The following CACNA1B variants were observed in gnomAD, a reference collection of about 807,000 sequenced individuals.
CACNA1B encodes the protein voltage-dependent N-type calcium channel subunit alpha-1B.
Under a neutral mutation model 247.2 loss-of-function variants are expected in CACNA1B, and 70 were observed. The observed-to-expected ratio is 0.28, with a 90% CI of 0.23 to 0.35. The LOEUF (loss-of-function observed/expected upper bound fraction) is 0.35, where lower values mean the gene tolerates loss of function less well. Ranked by LOEUF, CACNA1B falls within the 10% of genes least tolerant of loss-of-function variation. The pLI is 1.00. For missense variants in CACNA1B, 2,367 were observed against 3,197.4 expected, an observed-to-expected ratio of 0.74 and a Z score of 6.26; for synonymous variants, 1,231 against 1,294.4, an observed-to-expected ratio of 0.95 and a Z score of 1.05.
At chr9:138,030,505 G>A (rs1031998451) in intron 20 of CACNA1B, among the ~76,000 whole-genome samples, 1 of 151,948 alleles carries the variant, frequency 6.6e-6, no homozygotes, top group African/African-American at 2.4e-5. Flanking sequence ...AAGGAGTTTT[G>A]CGTCTGTATT....
chr9:137,895,670 A>G (rs35075720), intron 3 of CACNA1B, among the ~76,000 whole-genome samples: 10,485 of 152,304 alleles, frequency 0.069, 543 homozygotes, highest in Admixed American at 0.12. Context: ...TAGAAAAACC[A>G]TAGATTTCTA....
In CACNA1B at chr9:137,955,594, G is replaced by A. The variant is rs1000085680; in HGVS notation, c.1071-104G>A. On this transcript the variant is annotated intron_variant, in intron 7 of 46. Coordinates refer to ENST00000371372, the MANE Select transcript of CACNA1B (RefSeq NM_000718.4). The surrounding 1 kb of genome is among the most constrained non-coding windows in gnomAD (Gnocchi z 6.9). ...TGCCTGAAGCAGCAGCCTGCAGCCT[G>A]CGTCTCCTGTCCCAGGCTTTCCCTG... 2.8e-5 allele frequency: 21 copies of A among 749,898 alleles called. No homozygotes were observed. The highest frequency in any genetic ancestry group is 4.2e-5 in the Non-Finnish European group (19 of 450,294). 46.5% of individuals were successfully genotyped at this position (749,898 alleles called of 1,614,324 possible).
At chr9:138,041,884 C>A (rs1011639290) in intron 20 of CACNA1B, among the ~76,000 whole-genome samples, 1 of 152,074 alleles carries the variant, frequency 6.6e-6, no homozygotes, top group Admixed American at 6.5e-5. Context: ...CCTCTGGAGT[C>A]GCTGGAACTG....
intron 15 of CACNA1B, among the ~76,000 whole-genome samples, chr9:137,999,244 AAAT>A (rs138728302): frequency 0.16 from 23,871 of 148,228 alleles, 5,315 homozygotes; most frequent in African/African-American, 0.5. Context: ...AAAAAATAAA[AAAT>A]AAAAAATGAA....
chr9:138,032,900 T>G, intron 20 of CACNA1B: 3 of 298,882 alleles, frequency 1.0e-5, no homozygotes, highest in Non-Finnish European at 1.3e-5. Context: ...GCTCAATTTC[T>G]TGAATTTGTA....
rs201208237 is a variant in CACNA1B, at chr9:137,956,766, C to G, written c.1187-5C>G. On this transcript the variant is annotated splice_region_variant and splice_polypyrimidine_tract_variant and intron_variant, in intron 8 of 46. Coordinates refer to ENST00000371372, the MANE Select transcript of CACNA1B (RefSeq NM_000718.4). ...CTCTGACCTGAGGCTGTGTTCCCCTCGCAGAGGAAGTCATGCTGGCCGAGG... is the reference window on the plus strand; with the variant it reads ...CTCTGACCTGAGGCTGTGTTCCCCTGGCAGAGGAAGTCATGCTGGCCGAGG... 1.2e-6 allele frequency: 2 copies of G among 1,613,446 alleles called. No individual in the cohort carries two copies. Among genetic ancestry groups the G allele is most frequent in the East Asian group, 4.5e-5 (2 of 44,858 alleles).
rs547646077 is a variant in CACNA1B at position 137,957,877 on chromosome 9, C to A, written c.1333+190C>A. ...GGACATAGGGCCCTTAGCCATATCC[C>A]AAGGCTGGAGGACTCTATAGGGCCA... is the stretch of plus-strand genomic sequence containing the variant. On this transcript the variant is annotated intron_variant, in intron 10 of 46. Transcript: ENST00000371372. This position sits in a 1 kb window ranked among gnomAD's most constrained non-coding sequence, Gnocchi z 4.7. Among the ~76,000 whole-genome samples, 5 of 152,322 alleles carry A rather than the reference C, an allele frequency of 3.3e-5. No homozygotes were observed. Among genetic ancestry groups the A allele is most frequent in the Non-Finnish European group, 5.9e-5 (4 of 68,020 alleles).
rs1589063589 is a variant in CACNA1B at position 138,007,220 on chromosome 9, T to C, written c.2092+336T>C. Among the ~76,000 whole-genome samples, 1 of 152,196 alleles carries C rather than the reference T, an allele frequency of 6.6e-6. No individual in the cohort carries two copies. The highest frequency in any genetic ancestry group is 1.9e-4 in the East Asian group (1 of 5,196). On this transcript the variant is annotated intron_variant, in intron 16 of 46. Transcript: ENST00000371372. The surrounding 1 kb of genome is among the most constrained non-coding windows in gnomAD (Gnocchi z 4.1). ...GGTTTTTGTTTTCACTTTGATTTAA[T>C]TGTGTACTTAGGTTTTGGCACTGGG...
intron 20 of CACNA1B, among the ~76,000 whole-genome samples, chr9:138,039,233 T>C (rs895294255): frequency 6.6e-5 from 10 of 152,136 alleles, no homozygotes; most frequent in African/African-American, 2.4e-4. Context: ...GAGAAAAATA[T>C]GTCATTAATT....
intron 11 of CACNA1B, among the ~76,000 whole-genome samples, chr9:137,975,274 G>A (rs1408440793): frequency 6.6e-6 from 1 of 152,196 alleles, no homozygotes; most frequent in African/African-American, 2.4e-5. Flanking sequence ...TGGTGACAGT[G>A]CAAGGGGACA....
rs559003290 is a variant in CACNA1B at position 138,051,721 on chromosome 9, G to A, written c.3711-371G>A. On this transcript the variant is annotated intron_variant, in intron 24 of 46. Coordinates refer to ENST00000371372, the MANE Select transcript of CACNA1B (RefSeq NM_000718.4). This position sits in a 1 kb window ranked among gnomAD's most constrained non-coding sequence, Gnocchi z 4.3. ...AAAAAAGCCCTTCCAGAAGATTCTCGCCCTAGAAACGTGCTTGTGGGCTCC... is the reference window on the plus strand; with the variant it reads ...AAAAAAGCCCTTCCAGAAGATTCTCACCCTAGAAACGTGCTTGTGGGCTCC... Among the ~76,000 whole-genome samples, 2 of 152,048 alleles carry A rather than the reference G, an allele frequency of 1.3e-5. No homozygotes were observed. The highest frequency in any genetic ancestry group is 2.4e-5 in the African/African-American group (1 of 41,402).
intron 6 of CACNA1B, among the ~76,000 whole-genome samples, chr9:137,938,721 A>G (rs1046358658): frequency 6.6e-6 from 1 of 152,234 alleles, no homozygotes; most frequent in African/African-American, 2.4e-5. Context: ...TCCTAAATAT[A>G]TATGCACCTA....
chr9:138,023,855 G>T lies in CACNA1B; in HGVS notation c.3068+44G>T, dbSNP rs535354229. 1.1e-5 allele frequency: 11 copies of T among 962,270 alleles called. No individual in the cohort carries two copies. The African/African-American group carries it at 1.3e-4, about 12-fold the overall frequency. 59.6% of individuals were successfully genotyped at this position (962,270 alleles called of 1,614,324 possible). A position where few individuals can be genotyped will look rare whatever the true frequency, so the allele number is the denominator to read the frequency against. ...GGGGTCAGGGAGGGAAGGGTTGGCC[G>T]GGGCGGCGCGGGCCCCAGCGGTGGC... On this transcript the variant is annotated intron_variant, in intron 19 of 46. Coordinates refer to ENST00000371372, the MANE Select transcript of CACNA1B (RefSeq NM_000718.4).
At chr9:138,109,405 AGTTTGT>A (rs1431402750) in intron 39 of CACNA1B, among the ~76,000 whole-genome samples, 1 of 152,226 alleles carries the variant, frequency 6.6e-6, no homozygotes, top group African/African-American at 2.4e-5. Context: ...GAAGTCCAAG[AGTTTGT>A]GTTTGTGAGG....
rs112906433 is a variant in CACNA1B, at chr9:138,005,781, C to T, written c.1975-986C>T. On this transcript the variant is annotated intron_variant, in intron 15 of 46. Transcript: ENST00000371372. ...AAAAACGGCAGGGTGTGGCGGCTCA[C>T]GCCTGTAATCCCAGCACTTTGGGAG... 9.0e-3 allele frequency among the ~76,000 whole-genome samples: 1,372 copies of T among 152,266 alleles called. 7 individuals carry two copies. The highest frequency in any genetic ancestry group is 0.015 in the East Asian group (77 of 5,170).
chr9:137,956,693 C>A lies in CACNA1B; in HGVS notation c.1187-78C>A, dbSNP rs568326910. On this transcript the variant is annotated intron_variant, in intron 8 of 46. Transcript: ENST00000371372. ...AAAGAGCTGAGAAGGCAGGGCCTTC[C>A]AGACAGAGATGTGCCTCTGTCCTGG... is the stretch of plus-strand genomic sequence containing the variant. The A allele has an allele frequency of 1.4e-5, 17 of 1,217,310 alleles. No individual in the cohort carries two copies. The African/African-American group carries it at 2.5e-4, about 18-fold the overall frequency. The allele number at this position is 1,217,310 out of a possible 1,614,324, so 75.4% of individuals were successfully genotyped here.
chr9:138,121,457 A>G lies in CACNA1B; in HGVS notation c.6490-12A>G, dbSNP rs1265581928. On this transcript the variant is annotated splice_polypyrimidine_tract_variant and intron_variant, in intron 46 of 46. Transcript: ENST00000371372. This position sits in a 1 kb window ranked among gnomAD's most constrained non-coding sequence, Gnocchi z 6.8. ...TTTTACCTCTGATTTGTTCTGGTCC[A>G]TTTTCATGTAGGGCAGTGGTTCCGT... 5.1e-6 allele frequency: 7 copies of G among 1,376,608 alleles called. No homozygotes were observed. The highest frequency in any genetic ancestry group is 1.6e-5 in the African/African-American group (1 of 60,840). 85.3% of individuals were successfully genotyped at this position (1,376,608 alleles called of 1,614,324 possible).
At chr9:138,067,646 C>A (rs1959966453) in intron 31 of CACNA1B, among the ~76,000 whole-genome samples, 1 of 152,230 alleles carries the variant, frequency 6.6e-6, no homozygotes, top group South Asian at 2.1e-4. Flanking sequence ...TCACAGGGAG[C>A]CAAGATTGCG....
At chr9:137,968,627 AG>A (rs902863928) in intron 10 of CACNA1B, among the ~76,000 whole-genome samples, 1 of 152,218 alleles carries the variant, frequency 6.6e-6, no homozygotes, top group African/African-American at 2.4e-5. Context: ...ACTGTCCTCT[AG>A]AAGGGTTATT....
Sources: allele counts gnomAD v4.1 joint callset (sites outside exome capture counted in the v4.1 genomes callset), GRCh38; gene constraint gnomAD v4.1.1; non-coding constraint Gnocchi (gnomAD v3.1); transcripts MANE v1.5; gene names NCBI Gene and HGNC (gene_info 2026-07-23, HGNC 2026-07-21).